The following TRIM37 variants were observed in gnomAD, a reference collection of about 807,000 sequenced individuals.
TRIM37 encodes tripartite motif containing 37, also known as E3 ubiquitin-protein ligase TRIM37.
TRIM37 carries 80 observed loss-of-function variants against 129.8 expected under a neutral mutation model. The observed-to-expected ratio is 0.62, with a 90% CI of 0.51 to 0.74. The LOEUF (loss-of-function observed/expected upper bound fraction) is 0.74. Ranked by LOEUF, TRIM37 falls within the 30% of genes least tolerant of loss-of-function variation. The pLI is 0.00. For synonymous variants in TRIM37, 389 were observed against 387.1 expected (o/e 1.00, Z -0.06); for missense variants, 1,054 against 1,176.5 (o/e 0.90, Z 1.52).
the TRIM37 span, among the ~76,000 whole-genome samples, chr17:58,968,057 C>T: frequency 1.3e-4 from 20 of 152,102 alleles, no homozygotes; most frequent in African/African-American, 4.8e-4. Context: ...CCGCCTTGGC[C>T]TCTCAAAGTG....
chr17:59,054,755 GC>G (rs1226422394), intron 13 of TRIM37, among the ~76,000 whole-genome samples: 3 of 151,944 alleles, frequency 2.0e-5, no homozygotes, highest in Admixed American at 1.3e-4. Context: ...ACCTCCACCT[GC>G]CGGATTCAAG....
At chr17:59,071,607 A>G (rs143262393) in intron 8 of TRIM37, among the ~76,000 whole-genome samples, 124 of 152,158 alleles carry the variant, frequency 8.1e-4, no homozygotes, top group African/African-American at 2.8e-3. Flanking sequence ...TTTAAAAGCA[A>G]TTTCTCAGAT....
intron 5 of TRIM37, among the ~76,000 whole-genome samples, chr17:59,082,512 A>G (rs1285613392): frequency 6.6e-6 from 1 of 152,184 alleles, no homozygotes; most frequent in Non-Finnish European, 1.5e-5. Flanking sequence ...AATGAATTAG[A>G]AAGACACTTG....
chr17:59,013,567 A>G (rs764004032), intron 21 of TRIM37, among the ~76,000 whole-genome samples: 1 of 152,196 alleles, frequency 6.6e-6, no homozygotes, highest in Non-Finnish European at 1.5e-5. Flanking sequence ...AAAATTAATA[A>G]CAGCATGAAT....
intron 24 of TRIM37, among the ~76,000 whole-genome samples, chr17:58,990,628 T>C (rs1171139376): frequency 6.6e-6 from 1 of 150,460 alleles, no homozygotes; most frequent in African/African-American, 2.4e-5. Flanking sequence ...CTGTCTCTAC[T>C]AAAAATACAA....
intron 9 of TRIM37, among the ~76,000 whole-genome samples, chr17:59,069,598 G>C (rs1798577993): frequency 6.6e-6 from 1 of 152,020 alleles, no homozygotes; most frequent in South Asian, 2.1e-4. Context: ...TGAAGCAGTG[G>C]CTTCACCCCT....
intron 24 of TRIM37, among the ~76,000 whole-genome samples, chr17:58,992,481 A>G (rs184867497): frequency 9.4e-4 from 143 of 151,966 alleles, no homozygotes; most frequent in African/African-American, 3.3e-3. Flanking sequence ...CCCGGGTTCA[A>G]GTGATTCTTC....
intron 19 of TRIM37, among the ~76,000 whole-genome samples, chr17:59,019,343 T>C (rs1321157228): frequency 6.6e-6 from 1 of 152,116 alleles, no homozygotes; most frequent in Non-Finnish European, 1.5e-5. Context: ...TGCCACAACA[T>C]GAATGAACCT....
downstream of TRIM37, among the ~76,000 whole-genome samples, chr17:58,993,821 T>C (rs933611070): frequency 6.6e-6 from 1 of 152,122 alleles, no homozygotes; most frequent in Admixed American, 6.5e-5. Context: ...GGACAGAATG[T>C]AGACCATAAC....
At position 59,104,280 on chromosome 17, in the gene TRIM37, A is replaced by T; in HGVS notation, c.123+13T>A. On this transcript the variant is annotated intron_variant, in intron 2 of 23. Transcript: ENST00000262294. ...ATATATACTAACTGCATGTAAAAAG[A>T]AATACAACTTACCCTAATACAGCTG... 2 of 1,608,112 alleles carry T rather than the reference A, an allele frequency of 1.2e-6. No homozygotes were observed. The highest frequency in any genetic ancestry group is 2.2e-5 in the South Asian group (2 of 90,918).
intron 19 of TRIM37, among the ~76,000 whole-genome samples, chr17:59,019,174 T>C (rs2036286060): frequency 6.6e-6 from 1 of 152,160 alleles, no homozygotes; most frequent in Non-Finnish European, 1.5e-5. Context: ...AACAAAACCA[T>C]ATGTCCAAAC....
chr17:59,057,170 C>T (rs1402186691), intron 12 of TRIM37, 116 bp from the exon 13 acceptor site: 16 of 830,600 alleles, frequency 1.9e-5, no homozygotes, highest in East Asian at 2.6e-5. Context: ...TATTGATATA[C>T]GCAGTTACAT....
At chr17:59,044,470 G>A (rs1020261959) in intron 16 of TRIM37, among the ~76,000 whole-genome samples, 2 of 152,112 alleles carry the variant, frequency 1.3e-5, no homozygotes, top group African/African-American at 4.8e-5. Context: ...GCTGAGGCAG[G>A]GGAACTGCTT....
At position 59,106,615 on chromosome 17, in the gene TRIM37, T is replaced by G. The variant is rs1451746140; in HGVS notation, c.-154A>C. 1 of 874,544 alleles carries G rather than the reference T, an allele frequency of 1.1e-6. No individual in the cohort carries two copies. Among genetic ancestry groups the G allele is most frequent in the Non-Finnish European group, 1.8e-6 (1 of 547,100 alleles). 54.2% of individuals were successfully genotyped at this position (874,544 alleles called of 1,614,324 possible). A position where few individuals can be genotyped will look rare whatever the true frequency, so the allele number is the denominator to read the frequency against. ...AACCGCCCCACCTGCGCGCCCCATCTCTTCAGGTCCAGCGCCGCCTACCCC... is the reference window on the plus strand; with the variant it reads ...AACCGCCCCACCTGCGCGCCCCATCGCTTCAGGTCCAGCGCCGCCTACCCC... On this transcript the variant is annotated 5_prime_UTR_variant, in exon 1 of 24. Coordinates refer to ENST00000262294, the MANE Select transcript of TRIM37 (RefSeq NM_015294.6).
chr17:58,980,972 C>G, downstream of TRIM37: 1 of 1,613,982 alleles, frequency 6.2e-7, no homozygotes, highest in Non-Finnish European at 8.5e-7. The surrounding 1 kb of genome is among the most constrained non-coding windows in gnomAD (Gnocchi z 4.7). Context: ...CATGAGGAAG[C>G]TCAGAAAGAC....
At chr17:59,056,282 C>T (rs555570641) in intron 13 of TRIM37, among the ~76,000 whole-genome samples, 4 of 152,054 alleles carry the variant, frequency 2.6e-5, no homozygotes, top group East Asian at 3.9e-4. Context: ...GGGCCCAAGC[C>T]GTCCTCCCAT....
intron 16 of TRIM37, 40 bp from the exon 17 acceptor site, chr17:59,041,938 C>T: frequency 1.4e-6 from 2 of 1,475,564 alleles, no homozygotes; most frequent in Non-Finnish European, 1.9e-6. Context: ...TAGAGTGATA[C>T]AATAAACGTT....
At chr17:59,103,169 G>A (rs147317497) in intron 2 of TRIM37, among the ~76,000 whole-genome samples, 9 of 152,096 alleles carry the variant, frequency 5.9e-5, no homozygotes, top group East Asian at 5.8e-4. Context: ...TACCTACTGC[G>A]CCCAGCTGAA....
intron 16 of TRIM37, among the ~76,000 whole-genome samples, chr17:59,046,911 T>C (rs2039871631): frequency 1.3e-5 from 2 of 148,450 alleles, no homozygotes; most frequent in African/African-American, 2.5e-5. Context: ...TCCCAACACT[T>C]TGGGAGGCCG....
Sources: gnomAD v4.1 joint callset for allele counts (sites outside exome capture counted in the v4.1 genomes callset) on GRCh38, gnomAD v4.1.1 for gene constraint, Gnocchi (gnomAD v3.1) non-coding constraint, MANE v1.5 for transcripts, NCBI Gene and HGNC (gene_info 2026-07-23, HGNC 2026-07-21) for gene names.